EFNA5: variants seen among roughly 807,000 people sequenced by gnomAD.
EFNA5 encodes ephrin-A5.
In EFNA5, 5 loss-of-function variants were observed where a neutral mutation model predicts 22.9. The ratio of observed to expected loss-of-function variants is 0.22; its 90% confidence interval spans 0.11 to 0.46. The LOEUF (loss-of-function observed/expected upper bound fraction) is 0.46. EFNA5 is among the 20% of genes least tolerant of loss of function. The pLI, the probability that EFNA5 is intolerant of heterozygous loss-of-function variation, is 0.99. For synonymous variants in EFNA5, 113 were observed against 112.2 expected (o/e 1.01, Z -0.04); for missense variants, 237 against 293.3 (o/e 0.81, Z 1.40).
intron 1 of EFNA5, among the ~76,000 whole-genome samples, chr5:107,476,058 T>TATATGTATATATATATATATA: frequency 2.4e-5 from 1 of 41,078 alleles, no homozygotes; most frequent in South Asian, 8.3e-4. Flanking sequence ...ATATATATAT[T>TATATGTATATATATATATATA]TTTTTTTTTT....
At chr5:107,563,886 T>C (rs1748599790) in intron 1 of EFNA5, among the ~76,000 whole-genome samples, 1 of 152,224 alleles carries the variant, frequency 6.6e-6, no homozygotes, top group Non-Finnish European at 1.5e-5. Context: ...CAATTCTCAA[T>C]TCTTTGCAGT....
chr5:107,531,977 AGG>A (rs1747819946), intron 1 of EFNA5, among the ~76,000 whole-genome samples: 2 of 152,328 alleles, frequency 1.3e-5, no homozygotes, highest in South Asian at 4.1e-4. Flanking sequence ...CTAGGTCACC[AGG>A]GGTGATGCCT....
chr5:107,407,483 G>A (rs1748254541), intron 2 of EFNA5, among the ~76,000 whole-genome samples: 1 of 152,148 alleles, frequency 6.6e-6, no homozygotes, highest in Non-Finnish European at 1.5e-5. Flanking sequence ...GCTCACCAAA[G>A]TTCATCTTAC....
At chr5:107,622,071 T>A (rs1459955147) in intron 1 of EFNA5, among the ~76,000 whole-genome samples, 2 of 151,816 alleles carry the variant, frequency 1.3e-5, no homozygotes, top group African/African-American at 4.8e-5. Flanking sequence ...ATTTTATAGG[T>A]TATTTCCCCT....
At chr5:107,571,411 A>G (rs1748802006) in intron 1 of EFNA5, among the ~76,000 whole-genome samples, 1 of 152,146 alleles carries the variant, frequency 6.6e-6, no homozygotes, top group Non-Finnish European at 1.5e-5. Context: ...GTCGGGGAAA[A>G]ACATTACCCA....
chr5:107,634,151 G>A (rs1750321682), intron 1 of EFNA5, among the ~76,000 whole-genome samples: 1 of 152,158 alleles, frequency 6.6e-6, no homozygotes, highest in South Asian at 2.1e-4. Flanking sequence ...CCTTTTAAAT[G>A]ACACCTCACC....
chr5:107,484,725 T>C (rs1746546879), intron 1 of EFNA5, among the ~76,000 whole-genome samples: 1 of 152,130 alleles, frequency 6.6e-6, no homozygotes, highest in African/African-American at 2.4e-5. Flanking sequence ...TGAGATACTG[T>C]ATCTAACACT....
At chr5:107,423,204 C>A (rs998641674) in intron 2 of EFNA5, among the ~76,000 whole-genome samples, 5 of 152,040 alleles carry the variant, frequency 3.3e-5, no homozygotes, top group African/African-American at 1.2e-4. Flanking sequence ...AAGAAAAGGA[C>A]CTGGGACTCA....
chr5:107,573,551 T>C (rs1240422354), intron 1 of EFNA5, among the ~76,000 whole-genome samples: 1 of 152,052 alleles, frequency 6.6e-6, no homozygotes, highest in Non-Finnish European at 1.5e-5. Flanking sequence ...TATTTATTTG[T>C]TCAAGAAATA....
chr5:107,507,707 C>T lies in EFNA5; in HGVS notation c.126-80198G>A, dbSNP rs537378827. Among the ~76,000 whole-genome samples, 458 of 152,148 alleles carry T rather than the reference C, an allele frequency of 3.0e-3. 1 individual carries two copies. The highest frequency in any genetic ancestry group is 0.011 in the African/African-American group (438 of 41,510). The stretch of plus-strand genomic sequence containing the variant: ...AAAAAAAATTAGCTGGGCATGGTAG[C>T]GCAGCTGTAGTTCCAGCTACTCAGG... On this transcript the variant is annotated intron_variant, in intron 1 of 4. Coordinates refer to ENST00000333274, the MANE Select transcript of EFNA5 (RefSeq NM_001962.3).
intron 1 of EFNA5, among the ~76,000 whole-genome samples, chr5:107,441,378 A>G (rs1238703481): frequency 6.6e-6 from 1 of 152,182 alleles, no homozygotes; most frequent in East Asian, 1.9e-4. Flanking sequence ...GCCCTGAAGC[A>G]TGCACTAATA....
chr5:107,488,992 C>CA (rs879552756), intron 1 of EFNA5, among the ~76,000 whole-genome samples: 27 of 151,796 alleles, frequency 1.8e-4, no homozygotes, highest in South Asian at 6.2e-4. Context: ...CGCCCGGCCA[C>CA]AAAAAAACCT....
At chr5:107,394,624 C>T (rs957874371) in intron 2 of EFNA5, among the ~76,000 whole-genome samples, 6 of 152,146 alleles carry the variant, frequency 3.9e-5, no homozygotes, top group Admixed American at 3.9e-4. Flanking sequence ...GAAGCACCAC[C>T]CATCCTACCC....
chr5:107,669,251 G>A (rs1404987795), intron 1 of EFNA5, among the ~76,000 whole-genome samples: 1 of 151,378 alleles, frequency 6.6e-6, no homozygotes, highest in Non-Finnish European at 1.5e-5. Context: ...AGCCCGGGGC[G>A]CGCACCAACT....
chr5:107,533,642 A>C (rs957734380), intron 1 of EFNA5, among the ~76,000 whole-genome samples: 2 of 135,676 alleles, frequency 1.5e-5, no homozygotes, highest in Non-Finnish European at 2.9e-5. Flanking sequence ...ATCTAATTAG[A>C]TCATTAGATC....
chr5:107,463,353 CA>C (rs1272900207), intron 1 of EFNA5, among the ~76,000 whole-genome samples: 14 of 152,134 alleles, frequency 9.2e-5, no homozygotes, highest in African/African-American at 2.9e-4. Context: ...AAATAAAGTT[CA>C]CTTTCATCAG....
At chr5:107,517,092 A>C (rs1219301404) in intron 1 of EFNA5, among the ~76,000 whole-genome samples, 1 of 151,940 alleles carries the variant, frequency 6.6e-6, no homozygotes, top group Non-Finnish European at 1.5e-5. Context: ...ACTAAAATTC[A>C]TTGATTGTAC....
chr5:107,588,477 G>C (rs1317972355), intron 1 of EFNA5, among the ~76,000 whole-genome samples: 1 of 152,194 alleles, frequency 6.6e-6, no homozygotes, highest in Non-Finnish European at 1.5e-5. Context: ...TTACAGGAAA[G>C]TGAGTTTCAT....
intron 1 of EFNA5, among the ~76,000 whole-genome samples, chr5:107,538,151 T>G (rs2112457783): frequency 6.6e-6 from 1 of 152,288 alleles, no homozygotes; most frequent in African/African-American, 2.4e-5. Flanking sequence ...TAAGAATAAT[T>G]CCACAAAGGG....
Sources: gnomAD v4.1 joint callset for allele counts (sites outside exome capture counted in the v4.1 genomes callset) on GRCh38, gnomAD v4.1.1 for gene constraint, MANE v1.5 for transcripts, NCBI Gene and HGNC (gene_info 2026-07-23, HGNC 2026-07-21) for gene names.